Variants in PRRC2C observed in about 807,000 individuals in gnomAD.
The protein encoded by PRRC2C is proline rich coiled-coil 2C, also known as protein PRRC2C.
Under a neutral mutation model 317.2 loss-of-function variants are expected in PRRC2C, and 72 were observed. The observed-to-expected ratio is 0.23, with a 90% CI of 0.19 to 0.28. PRRC2C has a LOEUF of 0.28. Ranked by LOEUF, PRRC2C falls within the 10% of genes least tolerant of loss-of-function variation. The pLI is 1.00. For synonymous variants in PRRC2C, 1,296 were observed against 1,205.9 expected, an observed-to-expected ratio of 1.07 and a Z score of -1.55; for missense variants, 3,074 against 3,459.7, an observed-to-expected ratio of 0.89 and a Z score of 2.80.
Position 171,558,098 on chromosome 1 carries a change from A to G in PRRC2C, c.5986A>G (p.Asn1996Asp), listed in dbSNP as rs148813704. The G allele has an allele frequency of 3.0e-3, 4,805 of 1,613,890 alleles. 12 individuals are homozygous for G. Among genetic ancestry groups the G allele is most frequent in the Non-Finnish European group, 3.5e-3 (4,163 of 1,179,806 alleles). The change falls in exon 19 of 35, where the codon AAC becomes GAC. Residue 1996 changes from asparagine to aspartate, a missense_variant. By Grantham distance (23) the Asn-to-Asp change is conservative. Transcript: ENST00000647382. ...CACTCTGACAGCTGAATTATGGGAT[A>G]ACAAGGTGGCCCCACCAGCTGTGCT... ...HGTLTAELWD[N>D]KVAPPAVLND...
rs1341424312 is a variant in PRRC2C at position 171,522,166 on chromosome 1, C to T, written c.751-11C>T. 3 of 1,497,904 alleles carry T rather than the reference C, an allele frequency of 2.0e-6. No homozygotes were observed. Among genetic ancestry groups the T allele is most frequent in the African/African-American group, 1.4e-5 (1 of 72,118 alleles). The allele number at this position is 1,497,904 out of a possible 1,614,324, so 92.8% of individuals were successfully genotyped here. A position where few individuals can be genotyped will look rare whatever the true frequency, so the allele number is the denominator to read the frequency against. Reference sequence around the variant, plus strand: ...CTAAATTTATCACAATTTTTTGTTTCCTTCATTCAGATGTTCCAACAGTAT... The same window carrying T: ...CTAAATTTATCACAATTTTTTGTTTTCTTCATTCAGATGTTCCAACAGTAT... On this transcript the variant is annotated splice_polypyrimidine_tract_variant and intron_variant, in intron 6 of 34. Coordinates refer to ENST00000647382, the MANE Select transcript of PRRC2C (RefSeq NM_001387844.1).
intron 30 of PRRC2C, among the ~76,000 whole-genome samples, chr1:171,585,212 T>G (rs974720894): frequency 2.6e-5 from 4 of 152,208 alleles, no homozygotes; most frequent in African/African-American, 9.7e-5. Context: ...ATAGTTACAT[T>G]AAGTGTGATA....
chr1:171,535,212 A>C lies in PRRC2C; in HGVS notation c.1874-216A>C, dbSNP rs532268188. ...TGAAGCATTTGGATCTCTGCTCTCC[A>C]TCTCTAAGAATGCAGCTTTTAGGAA... is the stretch of plus-strand genomic sequence containing the variant. On this transcript the variant is annotated intron_variant, in intron 12 of 34. Coordinates refer to ENST00000647382, the MANE Select transcript of PRRC2C (RefSeq NM_001387844.1). Among the ~76,000 whole-genome samples, 3 of 152,264 alleles carry C rather than the reference A, an allele frequency of 2.0e-5. No homozygotes were observed. The South Asian group carries it at 6.2e-4, about 32-fold the overall frequency.
At chr1:171,538,936 C>T (rs1318887416) in intron 15 of PRRC2C, among the ~76,000 whole-genome samples, 1 of 151,636 alleles carries the variant, frequency 6.6e-6, no homozygotes, top group Non-Finnish European at 1.5e-5. Context: ...GTCTCAAACT[C>T]CTGGGGCCCT....
At chr1:171,548,755 G>T (rs1679634984) in intron 17 of PRRC2C, among the ~76,000 whole-genome samples, 1 of 152,164 alleles carries the variant, frequency 6.6e-6, no homozygotes. Flanking sequence ...GTTAAAAAAT[G>T]ATCTTGAGTT....
At chr1:171,517,521 A>ACATTTTGGTTTCACTTTGTTC in intron 5 of PRRC2C, 70 bp from the exon 6 acceptor site, 1 of 1,371,542 alleles carries the variant, frequency 7.3e-7, no homozygotes, top group Admixed American at 2.0e-5. Flanking sequence ...TTCCTGAAAT[A>ACATTTTGGTTTCACTTTGTTC]CATTTTGGTT....
At chr1:171,518,980 T>A (rs866403239) in intron 6 of PRRC2C, among the ~76,000 whole-genome samples, 1 of 151,702 alleles carries the variant, frequency 6.6e-6, no homozygotes, top group Non-Finnish European at 1.5e-5. Flanking sequence ...CCTCCTAGGT[T>A]CAAGCAGTTA....
chr1:171,520,797 C>CT (rs61220175), intron 6 of PRRC2C, among the ~76,000 whole-genome samples: 65,900 of 109,208 alleles, frequency 0.6, 20,391 homozygotes, highest in East Asian at 0.76. Context: ...ATTTCTTCTC[C>CT]TTTTTTTTTT....
At chr1:171,501,566 AT>A (rs1428390068) in intron 1 of PRRC2C, among the ~76,000 whole-genome samples, 1 of 152,242 alleles carries the variant, frequency 6.6e-6, no homozygotes, top group Non-Finnish European at 1.5e-5. Flanking sequence ...AAGGTGTGTT[AT>A]TCAGAAGGTT....
chr1:171,542,220 G>A lies in PRRC2C; in HGVS notation c.4754G>A (p.Gly1585Glu). ...AGAAGTGGCCCACCATCAAAAAGTGGGAAGAGAGGGTGAGTACTTTGTTTT... is the reference window on the plus strand; with the variant it reads ...AGAAGTGGCCCACCATCAAAAAGTGAGAAGAGAGGGTGAGTACTTTGTTTT... The part of the protein sequence containing the change: ...ERRSGPPSKS[G>E]KRGPFDDQPA... The change falls in exon 16 of 35, where the codon GGG becomes GAG. Residue 1585 changes from glycine to glutamate, a missense_variant. Coordinates refer to ENST00000647382, the MANE Select transcript of PRRC2C (RefSeq NM_001387844.1). The A allele has an allele frequency of 6.5e-7, 1 of 1,546,752 alleles. No homozygotes were observed. The highest frequency in any genetic ancestry group is 8.7e-7 in the Non-Finnish European group (1 of 1,150,842).
At position 171,500,033 on chromosome 1, in the gene PRRC2C, G is replaced by A. The variant is rs1033363757; in HGVS notation, c.-57-11999G>A. On this transcript the variant is annotated intron_variant, in intron 1 of 34. Transcript: ENST00000647382. Reference sequence around the variant, plus strand: ...GTATACTTCTCTGGAAATTGTTGTCGTTCATTTTTAATGTTAACTATTTAA... The same window carrying A: ...GTATACTTCTCTGGAAATTGTTGTCATTCATTTTTAATGTTAACTATTTAA... Among the ~76,000 whole-genome samples, 8 of 152,040 alleles carry A rather than the reference G, an allele frequency of 5.3e-5. No individual in the cohort carries two copies. In the East Asian group the frequency reaches 7.7e-4, roughly 15 times the overall value.
rs570518303 is a variant in PRRC2C, at chr1:171,574,414, ACAG to A, written c.6754-511_6754-509del. ...ATTTAAGAAACTAGGAGAAGAAAAT[ACAG>A]CTGAAACCAGGGGTCATAAATGCAA... On this transcript the variant is annotated intron_variant, in intron 24 of 34. Transcript: ENST00000647382. 5.5e-3 allele frequency among the ~76,000 whole-genome samples: 839 copies of A among 152,358 alleles called. 3 individuals are homozygous for A. Among genetic ancestry groups the A allele is most frequent in the Non-Finnish European group, 7.2e-3 (487 of 68,034 alleles).
intron 17 of PRRC2C, among the ~76,000 whole-genome samples, chr1:171,548,061 G>A (rs1679500500): frequency 6.6e-6 from 1 of 152,154 alleles, no homozygotes; most frequent in Non-Finnish European, 1.5e-5. Flanking sequence ...TGCCTCCCAG[G>A]TTCAAGCGAT....
chr1:171,492,738 T>TTTTTTTTATTTATTTATTTA (rs145937281), intron 1 of PRRC2C, among the ~76,000 whole-genome samples: 5 of 144,274 alleles, frequency 3.5e-5, no homozygotes, highest in African/African-American at 1.0e-4. Context: ...ATTTTTTTAA[T>TTTTTTTTATTTATTTATTTA]TTTATTTATT....
intron 2 of PRRC2C, 27 bp from the exon 3 acceptor site, chr1:171,512,968 A>G (rs1344657647): frequency 1.3e-6 from 2 of 1,574,212 alleles, no homozygotes; most frequent in Non-Finnish European, 1.7e-6. Flanking sequence ...TAGATGTTCT[A>G]AGAAAGTTGA....
Position 171,536,236 on chromosome 1 carries a change from A to T in PRRC2C, c.2251A>T (p.Met751Leu), listed in dbSNP as rs376452774. 6.2e-7 allele frequency: 1 copy of T among 1,613,710 alleles called. No homozygotes were observed. The highest frequency in any genetic ancestry group is 8.5e-7 in the Non-Finnish European group (1 of 1,179,832). The change falls in exon 14 of 35, where the codon ATG (methionine) becomes TTG (leucine). Residue 751 changes from methionine to leucine, a missense_variant. Physicochemically the swap from Met to Leu is conservative, Grantham distance 15 (BLOSUM62 2). Transcript: ENST00000647382. ...MMQSYMDPRM[M>L]SGRPAMDIPP... is the part of the protein sequence containing the mutation. ...GCAGTCCTACATGGATCCTCGAATG[A>T]TGTCAGGAAGACCTGCTATGGATAT...
rs771204895 is a variant in PRRC2C at position 171,568,323 on chromosome 1, A to G, written c.6635A>G (p.Asp2212Gly). The change falls in exon 23 of 35, where the codon GAT (aspartate) becomes GGT (glycine). Residue 2212 changes from aspartate (D) to glycine (G), a missense_variant. Asp to Gly is a moderately conservative substitution (Grantham distance 94). Transcript: ENST00000647382. Reference sequence around the variant, plus strand: ...GCTACTAATAATACAAAGATGGAGGATACTTTGGTTAATAATGTAAGTAAT... The same window carrying G: ...GCTACTAATAATACAAAGATGGAGGGTACTTTGGTTAATAATGTAAGTAAT... ...TVATNNTKME[D>G]TLVNNVPLPN... 30 of 1,603,350 alleles carry G rather than the reference A, an allele frequency of 1.9e-5. No individual in the cohort carries two copies. The highest frequency in any genetic ancestry group is 2.4e-5 in the Non-Finnish European group (28 of 1,174,196).
intron 26 of PRRC2C, among the ~76,000 whole-genome samples, chr1:171,578,851 G>A (rs1572115979): frequency 6.6e-6 from 1 of 151,958 alleles, no homozygotes; most frequent in African/African-American, 2.4e-5. Flanking sequence ...GTGACAAAGC[G>A]AGACTGTTTC....
In PRRC2C at chr1:171,532,720, GAA is replaced by G. The variant is rs1338464329; in HGVS notation, c.1634_1635del (p.Lys545ArgfsTer45). ...KDRERQQEKE[K>X]ELEKEQEKQR... Reference sequence around the variant, plus strand: ...ACAGAGAGAGACAGCAGGAAAAGGAGAAAGAGCTGGAGAAGGAGCAGGAAAAA... The same window carrying G: ...ACAGAGAGAGACAGCAGGAAAAGGAGAGAGCTGGAGAAGGAGCAGGAAAAA... On this transcript the variant is annotated frameshift_variant, in exon 12 of 35. Coordinates refer to ENST00000647382, the MANE Select transcript of PRRC2C (RefSeq NM_001387844.1). LOFTEE classifies it high-confidence loss of function. 6.5e-7 allele frequency: 1 copy of G among 1,549,426 alleles called. No homozygotes were observed. Among genetic ancestry groups the G allele is most frequent in the Admixed American group, 2.0e-5 (1 of 50,544 alleles).
Sources: gnomAD v4.1 joint callset for allele counts (sites outside exome capture counted in the v4.1 genomes callset) on GRCh38, gnomAD v4.1.1 for gene constraint, MANE v1.5 for transcripts, NCBI Gene and HGNC (gene_info 2026-07-23, HGNC 2026-07-21) for gene names.